Variants in MYO16 observed in about 807,000 individuals in gnomAD.
MYO16 encodes the protein myosin XVI, also known as unconventional myosin-XVI.
In MYO16, 94 loss-of-function variants were observed where a neutral mutation model predicts 205.3. The observed-to-expected ratio is 0.46, with a 90% CI of 0.39 to 0.54. The LOEUF (loss-of-function observed/expected upper bound fraction) is 0.54. MYO16 is among the 20% of genes least tolerant of loss of function. MYO16 has a pLI of 0.00. For synonymous variants in MYO16, 988 were observed against 954.0 expected, an observed-to-expected ratio of 1.04 and a Z score of -0.66; for missense variants, 2,315 against 2,387.5, an observed-to-expected ratio of 0.97 and a Z score of 0.63.
At chr13:108,930,549 A>G (rs4349020) in intron 16 of MYO16, among the ~76,000 whole-genome samples, 26,807 of 152,190 alleles carry the variant, frequency 0.18, 2,501 homozygotes, top group Admixed American at 0.23. Flanking sequence ...AAAAGGTGCC[A>G]AAAGGATGAT....
chr13:108,575,434 C>G, the MYO16 span, among the ~76,000 whole-genome samples: 2 of 152,088 alleles, frequency 1.3e-5, no homozygotes, highest in East Asian at 3.9e-4. Flanking sequence ...ACAGCTAGTC[C>G]TTTTTTGCAC....
chr13:108,949,175 A>T (rs1216528467), intron 16 of MYO16, among the ~76,000 whole-genome samples: 1 of 152,200 alleles, frequency 6.6e-6, no homozygotes, highest in Non-Finnish European at 1.5e-5. Flanking sequence ...AACGAAGATA[A>T]CTGTATTGCT....
intron 16 of MYO16, among the ~76,000 whole-genome samples, chr13:108,957,299 G>A (rs571624219): frequency 2.1e-5 from 3 of 143,044 alleles, no homozygotes; most frequent in Non-Finnish European, 3.0e-5. Flanking sequence ...CAGGAGAAAC[G>A]CTTGAACCTG....
chr13:108,798,442 CAT>C (rs2138959975), intron 6 of MYO16, among the ~76,000 whole-genome samples: 2 of 152,188 alleles, frequency 1.3e-5, no homozygotes, highest in South Asian at 4.1e-4. Context: ...CTAAATATAA[CAT>C]ATCTCTTTTT....
At position 109,140,933 on chromosome 13, in the gene MYO16, G is replaced by T; in HGVS notation, c.4721G>T (p.Arg1574Met). 4 of 1,560,712 alleles carry T rather than the reference G, an allele frequency of 2.6e-6. No individual in the cohort carries two copies. The highest frequency in any genetic ancestry group is 1.2e-5 in the South Asian group (1 of 85,528). ...AAGAGCCAGAAGGGCGACGGCGACA[G>T]GCCCGCGTCCCCCGGCCTGGCGCTG... ...YSKSQKGDGD[R>M]PASPGLALFN... The change falls in exon 32 of 35, where the codon AGG becomes ATG. Residue 1574 changes from arginine to methionine, a missense_variant. Around this residue, in one of 3 missense-constraint regions of MYO16, gnomAD observed 1,097 missense variants for 1,092.0 expected, o/e 1.00. Coordinates refer to ENST00000457511, the MANE Select transcript of MYO16 (RefSeq NM_001198950.3). The surrounding 1 kb of genome is among the most constrained non-coding windows in gnomAD (Gnocchi z 8.0).
intron 1 of MYO16, among the ~76,000 whole-genome samples, chr13:108,608,651 GA>G (rs10714828): frequency 0.61 from 92,403 of 151,174 alleles, 28,503 homozygotes; most frequent in Non-Finnish European, 0.66. Context: ...ACCCACAAAT[GA>G]TTTTTTTTTT....
intron 1 of MYO16, among the ~76,000 whole-genome samples, chr13:108,657,887 C>T (rs1881316435): frequency 6.6e-6 from 1 of 151,998 alleles, no homozygotes; most frequent in African/African-American, 2.4e-5. Flanking sequence ...AATAAAGGGC[C>T]TTCTTTTTCT....
chr13:108,852,550 T>A (rs1320046475), intron 10 of MYO16, among the ~76,000 whole-genome samples: 1 of 152,196 alleles, frequency 6.6e-6, no homozygotes, highest in Non-Finnish European at 1.5e-5. Context: ...AGAAGAACCT[T>A]CCTCAGAAAG....
At chr13:108,496,559 G>A in the MYO16 span, among the ~76,000 whole-genome samples, 1 of 152,186 alleles carries the variant, frequency 6.6e-6, no homozygotes, top group Non-Finnish European at 1.5e-5. Flanking sequence ...GGGGCGTCGA[G>A]CCTCAGCGCA....
At chr13:109,117,460 ATG>A (rs1399118510) in intron 28 of MYO16, among the ~76,000 whole-genome samples, 1 of 147,292 alleles carries the variant, frequency 6.8e-6, no homozygotes, top group Non-Finnish European at 1.5e-5. Context: ...ATATATATGT[ATG>A]TGTATATATG....
chr13:109,047,071 A>AG, intron 24 of MYO16, 80 bp downstream of exon 24: 2 of 1,064,062 alleles, frequency 1.9e-6, no homozygotes, highest in African/African-American at 1.6e-5. Context: ...ATATTTTCCT[A>AG]GAAAATATGC....
At chr13:109,099,093 C>T (rs1180471819) in intron 27 of MYO16, among the ~76,000 whole-genome samples, 4 of 152,144 alleles carry the variant, frequency 2.6e-5, no homozygotes, top group Non-Finnish European at 5.9e-5. Context: ...TCAGCCACTG[C>T]ACTCCTCATC....
At chr13:108,527,858 G>C in the MYO16 span, among the ~76,000 whole-genome samples, 1 of 152,090 alleles carries the variant, frequency 6.6e-6, no homozygotes, top group Non-Finnish European at 1.5e-5. Context: ...ACATTTCTAA[G>C]TTAGCAGTAT....
chr13:108,806,649 A>T (rs1241658660), intron 6 of MYO16, 30 bp from the exon 7 acceptor site: 1 of 1,605,600 alleles, frequency 6.2e-7, no homozygotes, highest in South Asian at 1.1e-5. Flanking sequence ...ACTTTAAAAA[A>T]ATGAATAATA....
chr13:108,911,066 C>CACACACACACACACAG lies in MYO16; in HGVS notation c.1925+917_1925+918insCACACACACACACAGA, dbSNP rs59417999. ...ACACACACACACACACACACACACA[C>CACACACACACACACAG]AGAGAGAGAGAAGGGTTGCTTCACT... On this transcript the variant is annotated intron_variant, in intron 16 of 34. Transcript: ENST00000457511. Among the ~76,000 whole-genome samples, 1,113 of 143,054 alleles carry CACACACACACACACAG rather than the reference C, an allele frequency of 7.8e-3. 12 individuals are homozygous for CACACACACACACACAG. Among genetic ancestry groups the CACACACACACACACAG allele is most frequent in the African/African-American group, 0.018 (701 of 37,930 alleles). 93.8% of individuals were successfully genotyped at this position (143,054 alleles called of 152,430 possible).
intron 3 of MYO16, among the ~76,000 whole-genome samples, 174 bp from the exon 4 acceptor site, chr13:108,727,266 G>A (rs1884371421): frequency 6.6e-6 from 1 of 151,812 alleles, no homozygotes; most frequent in African/African-American, 2.4e-5. Context: ...CAGAAGTCTT[G>A]CGTATGTTCT....
chr13:108,996,832 C>T (rs1222527105), intron 21 of MYO16, among the ~76,000 whole-genome samples: 3 of 152,106 alleles, frequency 2.0e-5, no homozygotes, highest in Admixed American at 1.3e-4. Context: ...TCTCTCTAAA[C>T]ATGTTATTAT....
rs145611400 is a variant in MYO16, at chr13:109,117,488, A to G, written c.3439-2882A>G. Among the ~76,000 whole-genome samples, 76 of 148,250 alleles carry G rather than the reference A, an allele frequency of 5.1e-4. 1 individual carries two copies. The East Asian group carries it at 0.011, about 22-fold the overall frequency. On this transcript the variant is annotated intron_variant, in intron 28 of 34. Coordinates refer to ENST00000457511, the MANE Select transcript of MYO16 (RefSeq NM_001198950.3). ...TGTATATATGTATGTATATGTATAT[A>G]TATGTAATATATATGTATATATGTA...
intron 28 of MYO16, among the ~76,000 whole-genome samples, chr13:109,104,848 C>G (rs1234968582): frequency 6.6e-6 from 1 of 152,176 alleles, no homozygotes; most frequent in Non-Finnish European, 1.5e-5. Flanking sequence ...TCCCTGGCTA[C>G]TAGATTTTAA....
Sources: gnomAD v4.1 joint callset for allele counts (sites outside exome capture counted in the v4.1 genomes callset) on GRCh38, gnomAD v4.1.1 for gene constraint, gnomAD v4.1.1 regional missense constraint, Gnocchi (gnomAD v3.1) non-coding constraint, MANE v1.5 for transcripts, NCBI Gene and HGNC (gene_info 2026-07-23, HGNC 2026-07-21) for gene names.